KIAA1549: variants seen among roughly 807,000 people sequenced by gnomAD.
KIAA1549 encodes UPF0606 protein KIAA1549.
A neutral mutation model predicts 156.4 loss-of-function variants in KIAA1549; 70 were observed. That is an observed-to-expected ratio of 0.45 (90% CI 0.37 to 0.55). The LOEUF (loss-of-function observed/expected upper bound fraction) is 0.55, where lower values mean the gene tolerates loss of function less well. KIAA1549 is among the 20% of genes least tolerant of loss of function. KIAA1549 has a pLI of 0.00. For missense variants in KIAA1549, 2,428 were observed against 2,540.9 expected, an observed-to-expected ratio of 0.96 and a Z score of 0.96; for synonymous variants, 1,103 against 1,066.4, an observed-to-expected ratio of 1.03 and a Z score of -0.67.
intron 1 of KIAA1549, among the ~76,000 whole-genome samples, chr7:138,978,978 G>T (rs1016842992): frequency 6.6e-6 from 1 of 152,160 alleles, no homozygotes; most frequent in Non-Finnish European, 1.5e-5. Context: ...CCTCCAGCAG[G>T]TCATCCATAA....
chr7:138,925,410 CACAG>C (rs1554422980), intron 1 of KIAA1549, among the ~76,000 whole-genome samples: 1 of 152,148 alleles, frequency 6.6e-6, no homozygotes, highest in Non-Finnish European at 1.5e-5. Flanking sequence ...GCAGGGCCAA[CACAG>C]AAAGAAACAG....
intron 1 of KIAA1549, among the ~76,000 whole-genome samples, chr7:138,980,074 C>T (rs983522270): frequency 2.6e-5 from 4 of 152,224 alleles, no homozygotes; most frequent in African/African-American, 9.7e-5. Flanking sequence ...ACTGAGTAGC[C>T]CTTTGGCCCT....
At position 138,918,067 on chromosome 7, in the gene KIAA1549, T is replaced by C. The variant is rs1033378020; in HGVS notation, c.1559A>G (p.Gln520Arg). 5.0e-6 allele frequency: 8 copies of C among 1,613,308 alleles called. No individual in the cohort carries two copies. The African/African-American group carries it at 8.0e-5, about 16-fold the overall frequency. The stretch of plus-strand genomic sequence containing the variant: ...GAGGCGGCCGTGGGCAGGGGGAACC[T>C]GTGTGGTTGTAACACTACTCATATC... ...EVDMSSVTTT[Q>R]VPPAHGRLSV... The change falls in exon 2 of 20, where the codon CAG (glutamine) becomes CGG (arginine). Residue 520 changes from glutamine (Q) to arginine (R), a missense_variant. By Grantham distance (43) the Gln-to-Arg change is conservative. Coordinates refer to ENST00000422774, the MANE Select transcript of KIAA1549 (RefSeq NM_001164665.2). This position sits in a 1 kb window ranked among gnomAD's most constrained non-coding sequence, Gnocchi z 4.2.
chr7:138,925,581 A>G (rs1466670361), intron 1 of KIAA1549, among the ~76,000 whole-genome samples: 1 of 152,258 alleles, frequency 6.6e-6, no homozygotes. Flanking sequence ...GCACTCTGGT[A>G]GGCCGAGGCA....
intron 16 of KIAA1549, among the ~76,000 whole-genome samples, chr7:138,854,779 T>C (rs191146525): frequency 1.8e-3 from 277 of 152,186 alleles, no homozygotes; most frequent in African/African-American, 6.5e-3. Flanking sequence ...TGGTGTTTAT[T>C]AAAAAAATCT....
chr7:138,865,487 T>G, intron 15 of KIAA1549, among the ~76,000 whole-genome samples: 1 of 151,414 alleles, frequency 6.6e-6, no homozygotes. Flanking sequence ...AAATACAAGT[T>G]GAGGGAAAAA....
At position 138,836,811 on chromosome 7, in the gene KIAA1549, G is replaced by C; in HGVS notation, c.*1095C>G. On this transcript the variant is annotated 3_prime_UTR_variant, in exon 20 of 20. Coordinates refer to ENST00000422774, the MANE Select transcript of KIAA1549 (RefSeq NM_001164665.2). The stretch of plus-strand genomic sequence containing the variant: ...CTTTTACATTTCTTGATTCATTACA[G>C]AGAGGCTGAACTGAACTCAATTTCA... 1 of 224,818 alleles carries C rather than the reference G, an allele frequency of 4.4e-6. No individual in the cohort carries two copies. Among genetic ancestry groups the C allele is most frequent in the East Asian group, 6.5e-5 (1 of 15,394 alleles). 13.9% of individuals were successfully genotyped at this position (224,818 alleles called of 1,614,324 possible).
chr7:138,834,356 C>T lies in KIAA1549; in HGVS notation c.*3550G>A. 5.3e-6 allele frequency: 1 copy of T among 190,138 alleles called. No homozygotes were observed. Among genetic ancestry groups the T allele is most frequent in the South Asian group, 1.9e-4 (1 of 5,142 alleles). The allele number at this position is 190,138 out of a possible 1,614,324, so 11.8% of individuals were successfully genotyped here. On this transcript the variant is annotated 3_prime_UTR_variant, in exon 20 of 20. Transcript: ENST00000422774. ...TAGAGACGGGGTTTTGCCATGTTGC[C>T]TGGGCTGGTTTTAAGCTCTTGATCT...
intron 18 of KIAA1549, 90 bp from the exon 19 acceptor site, chr7:138,840,368 TG>T: frequency 2.6e-6 from 3 of 1,146,870 alleles, no homozygotes; most frequent in South Asian, 3.0e-5. Context: ...CTGTCAACTC[TG>T]ACCACTACAC....
Position 138,838,037 on chromosome 7 carries a change from G to A in KIAA1549, c.5722C>T (p.Leu1908=), listed in dbSNP as rs759697507. 2.5e-6 allele frequency: 4 copies of A among 1,605,706 alleles called. No homozygotes were observed. Among genetic ancestry groups the A allele is most frequent in the Non-Finnish European group, 1.7e-6 (2 of 1,176,390 alleles). ...LPHRGLQGPG[L]GYPTSSTEDL... Reference sequence around the variant, plus strand: ...TCCGTGGAGCTGGTGGGGTAACCCAGCCCAGGGCCCTGCAGTCCCCGGTGG... The same window carrying A: ...TCCGTGGAGCTGGTGGGGTAACCCAACCCAGGGCCCTGCAGTCCCCGGTGG... Residue 1908 remains leucine (L), a synonymous_variant, in exon 20 of 20, where the codon CTG becomes TTG. Coordinates refer to ENST00000422774, the MANE Select transcript of KIAA1549 (RefSeq NM_001164665.2).
chr7:138,882,755 TA>T (rs1563061738), intron 10 of KIAA1549, among the ~76,000 whole-genome samples: 1 of 151,880 alleles, frequency 6.6e-6, no homozygotes, highest in East Asian at 1.9e-4. Flanking sequence ...TAGAAAGAAG[TA>T]GTCAAAAGAA....
chr7:138,917,044 G>A lies in KIAA1549; in HGVS notation c.2582C>T (p.Thr861Ile), dbSNP rs1489213179. 6.2e-7 allele frequency: 1 copy of A among 1,607,640 alleles called. No individual in the cohort carries two copies. The highest frequency in any genetic ancestry group is 1.1e-5 in the South Asian group (1 of 89,570). Residue 861 changes from threonine to isoleucine, a missense_variant, in exon 2 of 20, where the codon ACA becomes ATA. By Grantham distance (89) the Thr-to-Ile change is moderately conservative. This residue lies in a region of KIAA1549 where 762 missense variants were observed against 901.6 expected (regional missense o/e 0.85). Transcript: ENST00000422774. ...VSEATPFPLP[T>I]ELTVVGPSLT... The stretch of plus-strand genomic sequence containing the variant: ...TGATGGGCCCACGACGGTCAGCTCT[G>A]TGGGCAGAGGGAAGGGGGTTGCTTC...
chr7:138,977,685 C>CACACACACACAT (rs59926082), intron 1 of KIAA1549, among the ~76,000 whole-genome samples: 1 of 151,498 alleles, frequency 6.6e-6, no homozygotes, highest in Admixed American at 6.6e-5. Flanking sequence ...CACACACACA[C>CACACACACACAT]GGAAAGAAAC....
rs765861143 is a variant in KIAA1549 at position 138,918,295 on chromosome 7, G to A, written c.1331C>T (p.Ser444Leu). Residue 444 changes from serine (S) to leucine (L), a missense_variant, in exon 2 of 20, where the codon TCA (serine) becomes TTA (leucine). This residue lies in a region of KIAA1549 where 893 missense variants were observed against 847.9 expected (regional missense o/e 1.05). Transcript: ENST00000422774. This position sits in a 1 kb window ranked among gnomAD's most constrained non-coding sequence, Gnocchi z 4.2. ...GCACAGAGTCTCGGCACCATCCCCT[G>A]ATCCCACGTCTTTCTCCATGAGGCT... Reference protein sequence around the residue: ...ATSLMEKDVGSGDGAETLCMT... With the variant: ...ATSLMEKDVGLGDGAETLCMT... The A allele has an allele frequency of 6.2e-7, 1 of 1,613,970 alleles. No individual in the cohort carries two copies.
At position 138,939,534 on chromosome 7, in the gene KIAA1549, G is replaced by A. The variant is rs777052546; in HGVS notation, c.188-20096C>T. ...CTATATTCTCATGGTGTCATTTAACGTGTTCTTCCCCCAAATTTCTTATAA... is the reference window on the plus strand; with the variant it reads ...CTATATTCTCATGGTGTCATTTAACATGTTCTTCCCCCAAATTTCTTATAA... On this transcript the variant is annotated intron_variant, in intron 1 of 19. Transcript: ENST00000422774. Among the ~76,000 whole-genome samples, 6 of 152,024 alleles carry A rather than the reference G, an allele frequency of 3.9e-5. No individual in the cohort carries two copies. The South Asian group carries it at 6.2e-4, about 16-fold the overall frequency.
chr7:138,941,628 C>CA (rs1294804337), intron 1 of KIAA1549, among the ~76,000 whole-genome samples: 1 of 152,224 alleles, frequency 6.6e-6, no homozygotes, highest in African/African-American at 2.4e-5. Context: ...CTCCTCCCTT[C>CA]AAAAACACAG....
intron 1 of KIAA1549, among the ~76,000 whole-genome samples, chr7:138,948,246 A>G (rs1049577184): frequency 6.6e-6 from 1 of 152,226 alleles, no homozygotes; most frequent in Admixed American, 6.5e-5. Flanking sequence ...CAACATGGCC[A>G]GTGTCCTCAC....
chr7:138,972,083 G>A (rs1814236782), intron 1 of KIAA1549, among the ~76,000 whole-genome samples: 1 of 152,080 alleles, frequency 6.6e-6, no homozygotes, highest in Non-Finnish European at 1.5e-5. Context: ...GGCAGCGATG[G>A]TACAGCAGAA....
At chr7:138,862,286 G>C (rs1379470930) in intron 15 of KIAA1549, among the ~76,000 whole-genome samples, 1 of 151,946 alleles carries the variant, frequency 6.6e-6, no homozygotes, top group Non-Finnish European at 1.5e-5. Context: ...TTTCCAGAGA[G>C]GCCAGGAATT....
Sources: allele counts gnomAD v4.1 joint callset (sites outside exome capture counted in the v4.1 genomes callset), GRCh38; gene constraint gnomAD v4.1.1; regional missense constraint gnomAD v4.1.1; non-coding constraint Gnocchi (gnomAD v3.1); transcripts MANE v1.5; gene names NCBI Gene and HGNC (gene_info 2026-07-23, HGNC 2026-07-21).